RMDN3: variants seen among roughly 807,000 people sequenced by gnomAD.
RMDN3 encodes regulator of microtubule dynamics 3, also known as regulator of microtubule dynamics protein 3.
A neutral mutation model predicts 61.8 loss-of-function variants in RMDN3; 41 were observed. The observed-to-expected ratio is 0.66, with a 90% CI of 0.52 to 0.86. The LOEUF is 0.86. Ranked by LOEUF, RMDN3 falls within the 40% of genes least tolerant of loss-of-function variation. The pLI, the probability that RMDN3 is intolerant of heterozygous loss-of-function variation, is 0.00. For synonymous variants in RMDN3, 247 were observed against 232.0 expected, an observed-to-expected ratio of 1.06 and a Z score of -0.59; for missense variants, 557 against 585.3, an observed-to-expected ratio of 0.95 and a Z score of 0.50.
intron 6 of RMDN3, 147 bp downstream of exon 6, chr15:40,743,900 C>T (rs1009078627): frequency 1.7e-4 from 107 of 615,278 alleles, no homozygotes; most frequent in Middle Eastern, 8.0e-4. Context: ...AAGCAAGGGT[C>T]TTTGGGAGCC....
intron 6 of RMDN3, among the ~76,000 whole-genome samples, chr15:40,741,707 G>A (rs1897291832): frequency 7.6e-6 from 1 of 131,998 alleles, no homozygotes; most frequent in African/African-American, 2.9e-5. Context: ...TAGGCTCACC[G>A]CAACCTCCGC....
At chr15:40,750,222 T>G (rs1475421199) in intron 4 of RMDN3, among the ~76,000 whole-genome samples, 22 of 146,878 alleles carry the variant, frequency 1.5e-4, no homozygotes, top group South Asian at 2.2e-4. Flanking sequence ...TTTTTTTTTT[T>G]TTTTTTTTTT....
In RMDN3 at chr15:40,744,798, C is replaced by T. The variant is rs146770451; in HGVS notation, c.807+179G>A. 1.3e-4 allele frequency among the ~76,000 whole-genome samples: 20 copies of T among 152,226 alleles called. No homozygotes were observed. In the East Asian group the frequency reaches 2.1e-3, roughly 16 times the overall value. On this transcript the variant is annotated intron_variant, in intron 5 of 12. Transcript: ENST00000338376. Reference sequence around the variant, plus strand: ...ACTGGCCCTAGGATCCACGCTGGGCCTCCTTGGAAGAGGATATGTGACCTG... The same window carrying T: ...ACTGGCCCTAGGATCCACGCTGGGCTTCCTTGGAAGAGGATATGTGACCTG...
intron 6 of RMDN3, 46 bp downstream of exon 6, chr15:40,744,001 C>G: frequency 6.5e-7 from 1 of 1,537,324 alleles, no homozygotes. Context: ...CAGCCCCACC[C>G]CTGAATCAGT....
rs867017894 is a variant in RMDN3 at position 40,755,063 on chromosome 15, T to C, written c.-8+20A>G. 2.0e-5 allele frequency: 8 copies of C among 391,130 alleles called. No homozygotes were observed. The highest frequency in any genetic ancestry group is 3.5e-5 in the South Asian group (1 of 28,884). The allele number at this position is 391,130 out of a possible 1,614,324, so 24.2% of individuals were successfully genotyped here. On this transcript the variant is annotated intron_variant, in intron 1 of 12. Transcript: ENST00000338376. ...CCGACCCGGGTCACAGAGTCCGGCT[T>C]CTGGGCCTTCAACCCCCACCTCAGC...
intron 5 of RMDN3, among the ~76,000 whole-genome samples, chr15:40,744,526 G>A (rs534370334): frequency 6.6e-6 from 1 of 152,086 alleles, no homozygotes; most frequent in Admixed American, 6.5e-5. Context: ...ATACCTGGGT[G>A]GGCATATATT....
At chr15:40,741,879 A>G (rs1342358188) in intron 6 of RMDN3, among the ~76,000 whole-genome samples, 2 of 151,892 alleles carry the variant, frequency 1.3e-5, no homozygotes, top group Non-Finnish European at 2.9e-5. Flanking sequence ...CGCCCACCTC[A>G]GCCTCCCAAA....
At chr15:40,752,227 G>A in intron 2 of RMDN3, 49 bp from the exon 3 acceptor site, 1 of 1,562,674 alleles carries the variant, frequency 6.4e-7, no homozygotes, top group South Asian at 1.2e-5. Context: ...AATATGGTGG[G>A]GAAGAGATCT....
chr15:40,742,707 C>A (rs1481853777), intron 6 of RMDN3, among the ~76,000 whole-genome samples: 1 of 152,172 alleles, frequency 6.6e-6, no homozygotes, highest in African/African-American at 2.4e-5. Flanking sequence ...GCTCAGGAGG[C>A]CAGACCAACC....
In RMDN3 at chr15:40,740,314, G is replaced by C. The variant is rs115136102; in HGVS notation, c.911-121C>G. 2,129 of 733,390 alleles carry C rather than the reference G, an allele frequency of 2.9e-3. 30 individuals carry two copies. In the African/African-American group the frequency reaches 0.033, roughly 11 times the overall value. 45.4% of individuals were successfully genotyped at this position (733,390 alleles called of 1,614,324 possible). ...TCCCTACCCAGCTTGGACTTGTTTG[G>C]AAATAGTTGTGAACTTGAGCAGAAT... On this transcript the variant is annotated intron_variant, in intron 6 of 12. Transcript: ENST00000338376.
At chr15:40,751,741 C>A in intron 3 of RMDN3, 172 bp from the exon 4 acceptor site, 2 of 994,034 alleles carry the variant, frequency 2.0e-6, no homozygotes, top group Non-Finnish European at 3.1e-6. Flanking sequence ...GGGCCCAGCC[C>A]GCACAGACAG....
rs1211749124 is a variant in RMDN3, at chr15:40,736,155, A to G, written c.*386T>C. The G allele has an allele frequency of 2.5e-5, 5 of 199,758 alleles. No homozygotes were observed. Among genetic ancestry groups the G allele is most frequent in the South Asian group, 1.3e-4 (1 of 7,820 alleles). 12.4% of individuals were successfully genotyped at this position (199,758 alleles called of 1,614,324 possible). A position where few individuals can be genotyped will look rare whatever the true frequency, so the allele number is the denominator to read the frequency against. On this transcript the variant is annotated 3_prime_UTR_variant, in exon 13 of 13. Coordinates refer to ENST00000338376, the MANE Select transcript of RMDN3 (RefSeq NM_018145.3). The stretch of plus-strand genomic sequence containing the variant: ...CTTAAGACTATATGTACTGAGTCCT[A>G]TTAGTCAGTGAAAAAGATTAAAGTG...
At chr15:40,746,033 G>GA (rs1024014075) in intron 4 of RMDN3, among the ~76,000 whole-genome samples, 3 of 152,186 alleles carry the variant, frequency 2.0e-5, no homozygotes, top group Non-Finnish European at 4.4e-5. Context: ...ACTACCCCCT[G>GA]AAAAGGTGTT....
rs539881512 is a variant in RMDN3, at chr15:40,748,669, G to A, written c.524+2757C>T. Among the ~76,000 whole-genome samples, 58 of 152,230 alleles carry A rather than the reference G, an allele frequency of 3.8e-4. No individual in the cohort carries two copies. In the South Asian group the frequency reaches 8.9e-3, roughly 23 times the overall value. On this transcript the variant is annotated intron_variant, in intron 4 of 12. Transcript: ENST00000338376. Reference sequence around the variant, plus strand: ...GGCTGGAGTGCAGTGGTGCAATCTCGGCTCACAGCAAACTCCACCCCCTGG... The same window carrying A: ...GGCTGGAGTGCAGTGGTGCAATCTCAGCTCACAGCAAACTCCACCCCCTGG...
At chr15:40,748,386 C>A (rs187131229) in intron 4 of RMDN3, among the ~76,000 whole-genome samples, 3 of 152,352 alleles carry the variant, frequency 2.0e-5, no homozygotes, top group African/African-American at 7.2e-5. Context: ...AGTGTTGCAC[C>A]ACCACCTGCT....
intron 9 of RMDN3, 48 bp from the exon 10 acceptor site, chr15:40,737,774 T>TTTTC (rs776539286): frequency 9.5e-6 from 15 of 1,582,598 alleles, no homozygotes; most frequent in Non-Finnish European, 1.3e-5. Context: ...AAAAGGTTTT[T>TTTTC]TTTCTTTAAA....
At chr15:40,753,445 G>A (rs1260929383) in intron 2 of RMDN3, among the ~76,000 whole-genome samples, 3 of 152,032 alleles carry the variant, frequency 2.0e-5, no homozygotes, top group Non-Finnish European at 4.4e-5. Context: ...CCAGGGAGGC[G>A]GAGGTTGCAG....
intron 2 of RMDN3, 75 bp from the exon 3 acceptor site, chr15:40,752,253 A>C (rs1897862008): frequency 3.5e-6 from 5 of 1,430,084 alleles, no homozygotes; most frequent in Non-Finnish European, 4.8e-6. Flanking sequence ...CCAGAATTCA[A>C]GAATACCTGC....
At chr15:40,749,559 A>G (rs769521022) in intron 4 of RMDN3, among the ~76,000 whole-genome samples, 2 of 152,164 alleles carry the variant, frequency 1.3e-5, no homozygotes, top group Non-Finnish European at 2.9e-5. Flanking sequence ...AAGGGCCTCA[A>G]GCTTTCTTTG....
Sources: allele counts gnomAD v4.1 joint callset (sites outside exome capture counted in the v4.1 genomes callset), GRCh38; gene constraint gnomAD v4.1.1; transcripts MANE v1.5; gene names NCBI Gene and HGNC (gene_info 2026-07-23, HGNC 2026-07-21).